Variants in ATRNL1 observed in about 807,000 individuals in gnomAD.
The protein encoded by ATRNL1 is attractin-like protein 1.
ATRNL1 carries 95 observed loss-of-function variants against 182.7 expected under a neutral mutation model. The observed-to-expected ratio is 0.52, with a 90% CI of 0.44 to 0.62. ATRNL1 has a LOEUF of 0.62. Among genes scored for constraint, ATRNL1 ranks in the 20% least tolerant of loss-of-function variants. The pLI, the probability that ATRNL1 is intolerant of heterozygous loss-of-function variation, is 0.00. For missense variants in ATRNL1, 1,471 were observed against 1,679.5 expected (o/e 0.88, Z 2.17); for synonymous variants, 576 against 568.3 (o/e 1.01, Z -0.19).
intron 14 of ATRNL1, among the ~76,000 whole-genome samples, chr10:115,282,986 CT>C (rs542955235): frequency 1.3e-5 from 2 of 150,858 alleles, no homozygotes; most frequent in Non-Finnish European, 3.0e-5. Context: ...CCTACCCCCA[CT>C]TTTTTTTTAA....
chr10:115,540,146 TAA>T (rs1554991550), intron 25 of ATRNL1, among the ~76,000 whole-genome samples: 68 of 150,988 alleles, frequency 4.5e-4, no homozygotes, highest in African/African-American at 1.6e-3. Context: ...AATAAATAAA[TAA>T]ATAAATATAT....
Position 115,582,953 on chromosome 10 carries a change from T to G in ATRNL1, c.3795+33417T>G, listed in dbSNP as rs1191572080. On this transcript the variant is annotated intron_variant, in intron 26 of 28. Transcript: ENST00000355044. ...TGTAAGGAAGGGATCCAGTTTCAGC[T>G]TTCTACATATGGCTAGCCAGTTTTC... Among the ~76,000 whole-genome samples the G allele has an allele frequency of 5.4e-5, 8 of 147,758 alleles. No individual in the cohort carries two copies. The Admixed American group carries it at 5.4e-4, about 10-fold the overall frequency.
chr10:115,692,806 A>C (rs1946434647), intron 26 of ATRNL1, among the ~76,000 whole-genome samples: 1 of 152,086 alleles, frequency 6.6e-6, no homozygotes. Flanking sequence ...AGAAGACATT[A>C]ATGTTTTAGA....
intron 26 of ATRNL1, among the ~76,000 whole-genome samples, chr10:115,567,276 A>G (rs1235995074): frequency 7.2e-5 from 11 of 152,254 alleles, no homozygotes; most frequent in African/African-American, 2.6e-4. Flanking sequence ...CAAATTAAAG[A>G]TAATGCTTTT....
intron 26 of ATRNL1, among the ~76,000 whole-genome samples, chr10:115,611,441 G>C (rs1364719035): frequency 6.6e-6 from 1 of 151,992 alleles, no homozygotes; most frequent in African/African-American, 2.4e-5. Context: ...TAAATTGATA[G>C]AATAGTTATT....
intron 27 of ATRNL1, among the ~76,000 whole-genome samples, chr10:115,826,128 T>G (rs1225843537): frequency 6.6e-6 from 1 of 152,182 alleles, no homozygotes; most frequent in Non-Finnish European, 1.5e-5. Context: ...TCCTGGGGAA[T>G]CTATAGATGG....
At chr10:115,807,180 A>G (rs972861441) in intron 27 of ATRNL1, among the ~76,000 whole-genome samples, 1 of 149,902 alleles carries the variant, frequency 6.7e-6, no homozygotes, top group Admixed American at 6.7e-5. Context: ...TAGTGGCATG[A>G]TCTCAGCTCA....
chr10:115,337,140 C>T (rs782229287), intron 19 of ATRNL1, among the ~76,000 whole-genome samples: 2 of 151,702 alleles, frequency 1.3e-5, no homozygotes, highest in African/African-American at 4.8e-5. Flanking sequence ...TGGTTACAGG[C>T]GTGAGCCACC....
chr10:115,734,946 A>G (rs1947905344), intron 27 of ATRNL1, among the ~76,000 whole-genome samples: 1 of 152,158 alleles, frequency 6.6e-6, no homozygotes, highest in Non-Finnish European at 1.5e-5. Flanking sequence ...CTCTTCCCAA[A>G]CAATATAAAT....
intron 28 of ATRNL1, among the ~76,000 whole-genome samples, chr10:115,902,838 T>C (rs531409282): frequency 6.6e-6 from 1 of 152,300 alleles, no homozygotes; most frequent in East Asian, 1.9e-4. Flanking sequence ...TTTGCTGCAG[T>C]GGAGTCCTGT....
intron 26 of ATRNL1, among the ~76,000 whole-genome samples, chr10:115,673,257 T>G (rs931512604): frequency 1.3e-5 from 2 of 152,054 alleles, no homozygotes; most frequent in African/African-American, 4.8e-5. Context: ...GAAGTAAAAA[T>G]AAGAAATCTG....
chr10:115,780,451 A>G (rs1949236256), intron 27 of ATRNL1, among the ~76,000 whole-genome samples: 1 of 152,188 alleles, frequency 6.6e-6, no homozygotes, highest in Admixed American at 6.5e-5. Context: ...GGTAGGGGGC[A>G]CAGGACCTAG....
At chr10:115,470,097 C>T (rs938862538) in intron 24 of ATRNL1, among the ~76,000 whole-genome samples, 3 of 150,282 alleles carry the variant, frequency 2.0e-5, no homozygotes, top group African/African-American at 4.8e-5. Context: ...CAGATCATCC[C>T]TTCCCTATAT....
At chr10:115,821,157 A>G (rs1318710473) in intron 27 of ATRNL1, among the ~76,000 whole-genome samples, 2 of 152,154 alleles carry the variant, frequency 1.3e-5, no homozygotes, top group African/African-American at 2.4e-5. Context: ...TAAATTATCC[A>G]GTCTGAGGTA....
At chr10:115,772,946 T>G (rs1949032030) in intron 27 of ATRNL1, among the ~76,000 whole-genome samples, 1 of 152,194 alleles carries the variant, frequency 6.6e-6, no homozygotes. Context: ...TTGTGACTAC[T>G]GACTGAGGCA....
At chr10:115,607,072 A>T (rs1030679293) in intron 26 of ATRNL1, among the ~76,000 whole-genome samples, 1 of 152,022 alleles carries the variant, frequency 6.6e-6, no homozygotes, top group Non-Finnish European at 1.5e-5. Flanking sequence ...GATGAAATTC[A>T]TCTGTACTTT....
At chr10:115,424,494 C>T (rs1845791858) in intron 20 of ATRNL1, among the ~76,000 whole-genome samples, 1 of 152,118 alleles carries the variant, frequency 6.6e-6, no homozygotes, top group African/African-American at 2.4e-5. Context: ...ACTTTTATTG[C>T]AGCACTATGT....
At chr10:115,690,100 T>G (rs1035291312) in intron 26 of ATRNL1, among the ~76,000 whole-genome samples, 1 of 152,176 alleles carries the variant, frequency 6.6e-6, no homozygotes, top group Non-Finnish European at 1.5e-5. Context: ...TCACTTCTCA[T>G]AGTCCCAGAC....
intron 28 of ATRNL1, among the ~76,000 whole-genome samples, chr10:115,941,847 T>A (rs2134625439): frequency 6.6e-6 from 1 of 152,320 alleles, no homozygotes; most frequent in African/African-American, 2.4e-5. Flanking sequence ...AATGAAATAA[T>A]TATTTACTAC....
Sources: allele counts gnomAD v4.1 joint callset (sites outside exome capture counted in the v4.1 genomes callset), GRCh38; gene constraint gnomAD v4.1.1; transcripts MANE v1.5; gene names NCBI Gene and HGNC (gene_info 2026-07-23, HGNC 2026-07-21).